The following VAV2 variants were observed in gnomAD, a reference collection of about 807,000 sequenced individuals.
The protein encoded by VAV2 is vav guanine nucleotide exchange factor 2, also known as guanine nucleotide exchange factor VAV2.
A neutral mutation model predicts 132.5 loss-of-function variants in VAV2; 67 were observed. The observed-to-expected ratio is 0.51, with a 90% CI of 0.42 to 0.62. The LOEUF is 0.62. Ranked by LOEUF, VAV2 falls within the 20% of genes least tolerant of loss-of-function variation. VAV2 has a pLI of 0.00. For synonymous variants in VAV2, 492 were observed against 443.5 expected, an observed-to-expected ratio of 1.11 and a Z score of -1.37; for missense variants, 938 against 1,153.6, an observed-to-expected ratio of 0.81 and a Z score of 2.71.
chr9:133,977,968 C>G (rs1044280653), intron 1 of VAV2, among the ~76,000 whole-genome samples: 7 of 103,502 alleles, frequency 6.8e-5, no homozygotes, highest in Admixed American at 1.8e-4. Context: ...AGATGTCCTA[C>G]GTGTATGCGT....
At position 133,884,519 on chromosome 9, in the gene VAV2, C is replaced by G. The variant is rs1838624468; in HGVS notation, c.322-23087G>C. 6.6e-6 allele frequency among the ~76,000 whole-genome samples: 1 copy of G among 152,048 alleles called. No individual in the cohort carries two copies. The highest frequency in any genetic ancestry group is 1.5e-5 in the Non-Finnish European group (1 of 68,008). ...TCCGCAAGCACTCAACAGATGCTGG[C>G]CCACCCAGGCCAGCCTCTCCACCCA... On this transcript the variant is annotated intron_variant, in intron 2 of 29. Transcript: ENST00000371850. The surrounding 1 kb of genome is among the most constrained non-coding windows in gnomAD (Gnocchi z 5.3).
Position 133,863,865 on chromosome 9 carries a change from T to C in VAV2, c.322-2433A>G, listed in dbSNP as rs919866878. On this transcript the variant is annotated intron_variant, in intron 2 of 29. Coordinates refer to ENST00000371850, the MANE Select transcript of VAV2 (RefSeq NM_001134398.2). The surrounding 1 kb of genome is among the most constrained non-coding windows in gnomAD (Gnocchi z 5.0). ...CCCCTGAGATAGCCATGGGGTCAGA[T>C]GGGGCAAAGCCGGCCCCATGTGAAA... is the stretch of plus-strand genomic sequence containing the variant. Among the ~76,000 whole-genome samples the C allele has an allele frequency of 2.0e-5, 3 of 152,052 alleles. No homozygotes were observed. The highest frequency in any genetic ancestry group is 7.3e-5 in the African/African-American group (3 of 41,374).
intron 1 of VAV2, among the ~76,000 whole-genome samples, chr9:133,970,839 T>C (rs1157955543): frequency 1.3e-5 from 2 of 152,214 alleles, no homozygotes; most frequent in African/African-American, 2.4e-5. Flanking sequence ...AAACGGCTTC[T>C]GTACTCTTGC....
chr9:133,954,715 C>A (rs914690436), intron 1 of VAV2, among the ~76,000 whole-genome samples: 14 of 152,174 alleles, frequency 9.2e-5, no homozygotes. Flanking sequence ...CATGCACATA[C>A]ATGTGGGGGT....
intron 2 of VAV2, among the ~76,000 whole-genome samples, chr9:133,889,882 T>C (rs1490594074): frequency 6.6e-6 from 1 of 152,090 alleles, no homozygotes. Context: ...ACAGCTTCCA[T>C]GAAAAAAGAA....
rs1438400185 is a variant in VAV2 at position 133,824,430 on chromosome 9, A to AAGAGACCCAGCC, written c.449+9830_449+9841dup. 1.4e-5 allele frequency among the ~76,000 whole-genome samples: 2 copies of AAGAGACCCAGCC among 146,618 alleles called. No individual in the cohort carries two copies. Among genetic ancestry groups the AAGAGACCCAGCC allele is most frequent in the Admixed American group, 1.4e-4 (2 of 14,714 alleles). The stretch of plus-strand genomic sequence containing the variant: ...CCTCAGTTCCCGAGAACAGACATAG[A>AAGAGACCCAGCC]AGAGACCCAGCCAGGACACTCTTAA... On this transcript the variant is annotated intron_variant, in intron 4 of 29. Transcript: ENST00000371850. The surrounding 1 kb of genome is among the most constrained non-coding windows in gnomAD (Gnocchi z 5.2).
intron 2 of VAV2, among the ~76,000 whole-genome samples, chr9:133,888,952 C>T (rs1355869741): frequency 6.6e-6 from 1 of 152,188 alleles, no homozygotes; most frequent in Non-Finnish European, 1.5e-5. Flanking sequence ...AAGGAGACGA[C>T]ACGAACAGCA....
chr9:133,869,678 C>G (rs546870315), intron 2 of VAV2, among the ~76,000 whole-genome samples: 2 of 152,148 alleles, frequency 1.3e-5, no homozygotes, highest in African/African-American at 2.4e-5. Flanking sequence ...ATGAGCCATC[C>G]GCCGACCCAG....
intron 1 of VAV2, among the ~76,000 whole-genome samples, chr9:133,956,623 TC>T (rs1410913438): frequency 6.6e-6 from 1 of 152,154 alleles, no homozygotes; most frequent in African/African-American, 2.4e-5. Context: ...AATGCGAAGA[TC>T]AACTGAGAAG....
intron 26 of VAV2, among the ~76,000 whole-genome samples, 161 bp downstream of exon 26, chr9:133,771,798 G>A (rs1413849878): frequency 6.6e-6 from 1 of 152,232 alleles, no homozygotes; most frequent in Admixed American, 6.5e-5. Context: ...CTGGGACATA[G>A]CTCTAGCTGT....
chr9:133,795,210 A>C (rs1471607791), intron 12 of VAV2, among the ~76,000 whole-genome samples: 1 of 152,164 alleles, frequency 6.6e-6, no homozygotes, highest in Non-Finnish European at 1.5e-5. Context: ...CACCCGGACA[A>C]GGGGAGAGAG....
intron 25 of VAV2, among the ~76,000 whole-genome samples, chr9:133,773,769 G>A (rs545182866): frequency 6.6e-6 from 1 of 152,232 alleles, no homozygotes; most frequent in Admixed American, 6.5e-5. Context: ...GAAGGAGTAT[G>A]CTCTAAAATA....
At chr9:133,933,729 G>GAAT in intron 2 of VAV2, among the ~76,000 whole-genome samples, 1 of 50,826 alleles carries the variant, frequency 2.0e-5, no homozygotes, top group African/African-American at 4.3e-5. Flanking sequence ...ATGGATGGAT[G>GAAT]GTGGATGAAT....
At chr9:133,905,433 CAAAA>C (rs5901029) in intron 2 of VAV2, among the ~76,000 whole-genome samples, 16 of 113,302 alleles carry the variant, frequency 1.4e-4, no homozygotes, top group African/African-American at 4.3e-4. Flanking sequence ...GAAACTGTCT[CAAAA>C]AAAAAAAAAA....
At chr9:133,779,178 G>T (rs1440525589) in intron 21 of VAV2, among the ~76,000 whole-genome samples, 1 of 152,272 alleles carries the variant, frequency 6.6e-6, no homozygotes, top group Non-Finnish European at 1.5e-5. Context: ...TGGCCCACAG[G>T]CAGCTGTGCG....
At chr9:133,907,048 G>T (rs567150994) in intron 2 of VAV2, among the ~76,000 whole-genome samples, 1 of 152,064 alleles carries the variant, frequency 6.6e-6, no homozygotes, top group African/African-American at 2.4e-5. Context: ...GGCCGGCGGC[G>T]GGGGGAGGGA....
intron 12 of VAV2, among the ~76,000 whole-genome samples, chr9:133,793,575 G>A (rs977940918): frequency 2.6e-5 from 4 of 152,132 alleles, no homozygotes; most frequent in Non-Finnish European, 4.4e-5. Flanking sequence ...CCCTCCCAAA[G>A]GCAGAAACAT....
At chr9:133,894,144 C>T (rs1037845602) in intron 2 of VAV2, among the ~76,000 whole-genome samples, 10 of 152,238 alleles carry the variant, frequency 6.6e-5, no homozygotes, top group East Asian at 1.9e-4. Flanking sequence ...TCGCTGGATC[C>T]GCCACAGTAC....
At chr9:133,842,682 G>A (rs954099599) in intron 3 of VAV2, among the ~76,000 whole-genome samples, 3 of 152,210 alleles carry the variant, frequency 2.0e-5, no homozygotes, top group African/African-American at 7.2e-5. Flanking sequence ...TCAGGCTTTG[G>A]GAGGGCCAGG....
Sources: allele counts gnomAD v4.1 joint callset (sites outside exome capture counted in the v4.1 genomes callset), GRCh38; gene constraint gnomAD v4.1.1; non-coding constraint Gnocchi (gnomAD v3.1); transcripts MANE v1.5; gene names NCBI Gene and HGNC (gene_info 2026-07-23, HGNC 2026-07-21).